COL5A2: variants seen among roughly 807,000 people sequenced by gnomAD.
COL5A2 encodes the protein collagen alpha-2(V) chain.
Under a neutral mutation model 208.2 loss-of-function variants are expected in COL5A2, and 23 were observed. That is an observed-to-expected ratio of 0.11 (90% CI 0.08 to 0.16). COL5A2 has a LOEUF of 0.16. COL5A2 is among the 10% of genes least tolerant of loss of function. The probability of loss-of-function intolerance (pLI) is 1.00; values close to 1 mark genes in which losing one functional copy is unlikely to be tolerated. For synonymous variants in COL5A2, 625 were observed against 628.5 expected (o/e 0.99, Z 0.08); for missense variants, 1,590 against 1,956.4 (o/e 0.81, Z 3.53).
At chr2:189,178,384 G>GTA (rs1407081923) in intron 1 of COL5A2, among the ~76,000 whole-genome samples, 5 of 151,722 alleles carry the variant, frequency 3.3e-5, no homozygotes, top group Non-Finnish European at 7.4e-5. Flanking sequence ...TATATACATA[G>GTA]TATATATACA....
At chr2:189,401,126 G>A in the COL5A2 span, among the ~76,000 whole-genome samples, 3 of 151,994 alleles carry the variant, frequency 2.0e-5, no homozygotes, top group African/African-American at 7.2e-5. Context: ...GTGTGCCATG[G>A]TGGTTTGCTA....
At chr2:189,066,987 C>T (rs1396700595) in intron 21 of COL5A2, among the ~76,000 whole-genome samples, 1 of 151,862 alleles carries the variant, frequency 6.6e-6, no homozygotes, top group Non-Finnish European at 1.5e-5. Flanking sequence ...AATTTGGAAG[C>T]CATTTAATTT....
chr2:189,291,031 A>G, the COL5A2 span, among the ~76,000 whole-genome samples: 1 of 152,128 alleles, frequency 6.6e-6, no homozygotes, highest in Non-Finnish European at 1.5e-5. Flanking sequence ...GGTCTTCTTT[A>G]TGTCAAGAAG....
the COL5A2 span, among the ~76,000 whole-genome samples, chr2:189,306,331 G>C: frequency 6.6e-6 from 1 of 151,994 alleles, no homozygotes; most frequent in East Asian, 1.9e-4. Flanking sequence ...AACTTTGTTG[G>C]GTCTGCATCA....
chr2:189,311,630 A>G, the COL5A2 span: 1 of 840,168 alleles, frequency 1.2e-6, no homozygotes, highest in Non-Finnish European at 2.0e-6. Context: ...GTCCAGGTCC[A>G]TCTCCAAGGA....
At chr2:189,128,924 T>C (rs1181074220) in intron 1 of COL5A2, among the ~76,000 whole-genome samples, 2 of 151,976 alleles carry the variant, frequency 1.3e-5, no homozygotes, top group African/African-American at 4.8e-5. Context: ...CTCTCAATAA[T>C]CATCTGTTGT....
At chr2:189,122,404 A>G in intron 1 of COL5A2, among the ~76,000 whole-genome samples, 1 of 152,168 alleles carries the variant, frequency 6.6e-6, no homozygotes, top group East Asian at 1.9e-4. Context: ...AAACAGGAAT[A>G]GAGAGGGAGG....
At chr2:189,053,867 T>A (rs1322529728) in intron 37 of COL5A2, 28 bp downstream of exon 37, 1 of 1,595,800 alleles carries the variant, frequency 6.3e-7, no homozygotes, top group Non-Finnish European at 8.6e-7. Flanking sequence ...AATCTCACAC[T>A]AAAGAACACC....
At chr2:189,043,295 C>A (rs1685598114) in intron 47 of COL5A2, 37 bp from the exon 48 acceptor site, 1 of 1,455,832 alleles carries the variant, frequency 6.9e-7, no homozygotes, top group Non-Finnish European at 9.6e-7. Context: ...TTACTTGCTA[C>A]ATATTATTGT....
the COL5A2 span, among the ~76,000 whole-genome samples, chr2:189,268,883 G>T: frequency 1.3e-5 from 2 of 152,084 alleles, no homozygotes; most frequent in Non-Finnish European, 2.9e-5. Flanking sequence ...ATCCAGCTTT[G>T]CTATTCAGCA....
the COL5A2 span, among the ~76,000 whole-genome samples, chr2:189,336,276 C>T: frequency 6.6e-6 from 1 of 152,146 alleles, no homozygotes; most frequent in African/African-American, 2.4e-5. Flanking sequence ...ATGGAACCTT[C>T]ATACATTGCT....
chr2:189,038,635 C>T (rs7355694), intron 51 of COL5A2, among the ~76,000 whole-genome samples: 14,542 of 152,268 alleles, frequency 0.096, 725 homozygotes, highest in South Asian at 0.15. Context: ...AACTAATTTA[C>T]ATTCCCACCA....
intron 1 of COL5A2, among the ~76,000 whole-genome samples, chr2:189,216,665 A>G (rs1689282813): frequency 6.6e-6 from 1 of 152,120 alleles, no homozygotes; most frequent in African/African-American, 2.4e-5. Flanking sequence ...GAGTCAAGCA[A>G]ATCACAATTC....
intron 1 of COL5A2, among the ~76,000 whole-genome samples, chr2:189,205,204 C>T (rs1689128173): frequency 6.6e-6 from 1 of 152,122 alleles, no homozygotes; most frequent in South Asian, 2.1e-4. Context: ...ATTTTGTTAG[C>T]CAAAAGAGAA....
At chr2:189,236,284 T>C in the COL5A2 span, among the ~76,000 whole-genome samples, 1 of 151,728 alleles carries the variant, frequency 6.6e-6, no homozygotes, top group Non-Finnish European at 1.5e-5. Flanking sequence ...TCATCAAAAC[T>C]GAGTTGTCTT....
chr2:189,077,662 T>G (rs1159527426), intron 16 of COL5A2, among the ~76,000 whole-genome samples: 1 of 152,208 alleles, frequency 6.6e-6, no homozygotes, highest in African/African-American at 2.4e-5. Flanking sequence ...TAGGACACTC[T>G]GCTTACTAAA....
the COL5A2 span, among the ~76,000 whole-genome samples, chr2:189,289,841 GGTGA>G: frequency 6.6e-6 from 1 of 152,056 alleles, no homozygotes; most frequent in Non-Finnish European, 1.5e-5. Context: ...TAACCAAGGA[GGTGA>G]AAGACCTGAA....
chr2:189,162,210 C>T (rs756509662), intron 1 of COL5A2, among the ~76,000 whole-genome samples: 1 of 152,136 alleles, frequency 6.6e-6, no homozygotes, highest in Non-Finnish European at 1.5e-5. Flanking sequence ...TCCCACTAGA[C>T]GATTAACTTC....
intron 1 of COL5A2, among the ~76,000 whole-genome samples, chr2:189,195,201 G>A (rs1688984629): frequency 6.6e-6 from 1 of 152,118 alleles, no homozygotes; most frequent in Non-Finnish European, 1.5e-5. Context: ...AATCATGAAT[G>A]AACTCCCATT....
Sources: allele counts gnomAD v4.1 joint callset (sites outside exome capture counted in the v4.1 genomes callset), GRCh38; gene constraint gnomAD v4.1.1; transcripts MANE v1.5; gene names NCBI Gene and HGNC (gene_info 2026-07-23, HGNC 2026-07-21).